The following TRIO variants were observed in gnomAD, a reference collection of about 807,000 sequenced individuals.
TRIO encodes trio Rho guanine nucleotide exchange factor.
A neutral mutation model predicts 351.9 loss-of-function variants in TRIO; 58 were observed. The ratio of observed to expected loss-of-function variants is 0.16; its 90% CI spans 0.13 to 0.21. TRIO has a LOEUF of 0.21. Among genes scored for constraint, TRIO ranks in the 10% least tolerant of loss-of-function variants. The pLI, the probability that TRIO is intolerant of heterozygous loss-of-function variation, is 1.00. For synonymous variants in TRIO, 1,758 were observed against 1,595.7 expected, an observed-to-expected ratio of 1.10 and a Z score of -2.42; for missense variants, 3,201 against 4,027.8, an observed-to-expected ratio of 0.79 and a Z score of 5.56.
At chr5:14,318,784 A>T (rs1012569153) in intron 9 of TRIO, among the ~76,000 whole-genome samples, 2 of 152,204 alleles carry the variant, frequency 1.3e-5, no homozygotes, top group Admixed American at 1.3e-4. Flanking sequence ...TTGGAGTTTA[A>T]ATCTAATTGT....
At chr5:14,292,189 A>C (rs1021779005) in intron 5 of TRIO, among the ~76,000 whole-genome samples, 1 of 152,270 alleles carries the variant, frequency 6.6e-6, no homozygotes, top group African/African-American at 2.4e-5. Flanking sequence ...TGGATGTAAA[A>C]GGACTTTTCA....
intron 1 of TRIO, among the ~76,000 whole-genome samples, chr5:14,158,870 T>C (rs1035019945): frequency 3.9e-5 from 6 of 152,180 alleles, no homozygotes; most frequent in Admixed American, 6.5e-5. Context: ...CAAAAAGTCA[T>C]GGCTAAATGT....
intron 34 of TRIO, among the ~76,000 whole-genome samples, chr5:14,447,293 G>GT (rs996920471): frequency 7.2e-5 from 11 of 152,110 alleles, no homozygotes; most frequent in African/African-American, 9.7e-5. Flanking sequence ...CCAAAGCCAC[G>GT]TTTTTTCCCC....
chr5:14,497,754 A>G lies in TRIO; in HGVS notation c.8020-93A>G. 6.4e-7 allele frequency: 1 copy of G among 1,551,366 alleles called. No homozygotes were observed. Among genetic ancestry groups the G allele is most frequent in the East Asian group, 2.2e-5 (1 of 44,552 alleles). ...ATGCCCAGGCAAGTCAGTTTCTGCA[A>G]ATCTTTCAACAATAATTGTAGCCCT... On this transcript the variant is annotated intron_variant, in intron 50 of 56. Transcript: ENST00000344204. The surrounding 1 kb of genome is among the most constrained non-coding windows in gnomAD (Gnocchi z 4.4).
chr5:14,314,423 G>A (rs1408798306), intron 8 of TRIO, among the ~76,000 whole-genome samples: 2 of 152,162 alleles, frequency 1.3e-5, no homozygotes, highest in African/African-American at 4.8e-5. Flanking sequence ...AACTACAACT[G>A]TAGCCTGGTC....
Position 14,294,020 on chromosome 5 carries a change from AAAT to A in TRIO, c.1176+893_1176+895del, listed in dbSNP as rs1383859574. 5.0e-3 allele frequency among the ~76,000 whole-genome samples: 360 copies of A among 71,992 alleles called. 1 individual carries two copies. The highest frequency in any genetic ancestry group is 9.4e-3 in the East Asian group (33 of 3,512). The allele number at this position is 71,992 out of a possible 152,430, so 47.2% of individuals were successfully genotyped here. On this transcript the variant is annotated intron_variant, in intron 6 of 56. Transcript: ENST00000344204. ...GCAAGACCCCATCTCTAAAAAAAAA[AAAT>A]AATAATTAAAAAATTAGCCAAGTGT...
intron 1 of TRIO, among the ~76,000 whole-genome samples, chr5:14,251,367 C>T (rs937946052): frequency 2.6e-5 from 4 of 152,208 alleles, no homozygotes; most frequent in Non-Finnish European, 4.4e-5. Flanking sequence ...ACGGGCAGCA[C>T]GTAACCTGAC....
chr5:14,339,222 G>A (rs1347743012), intron 11 of TRIO, among the ~76,000 whole-genome samples: 2 of 152,136 alleles, frequency 1.3e-5, no homozygotes, highest in Admixed American at 1.3e-4. Flanking sequence ...GGGCAACAGA[G>A]CAAGACCCTG....
At chr5:14,411,316 A>G (rs937681268) in intron 33 of TRIO, among the ~76,000 whole-genome samples, 3 of 152,214 alleles carry the variant, frequency 2.0e-5, no homozygotes, top group African/African-American at 7.2e-5. Flanking sequence ...ACTAAAATCC[A>G]TATTACAAAG....
intron 1 of TRIO, among the ~76,000 whole-genome samples, chr5:14,220,893 TCCTAAGATCAGATTTTC>T (rs1164039501): frequency 6.6e-6 from 1 of 152,186 alleles, no homozygotes; most frequent in Non-Finnish European, 1.5e-5. Context: ...CAGAAGACCT[TCCTAAGATCAGATTTTC>T]AGTGTAGGCA....
chr5:14,203,424 A>G (rs1477418181), intron 1 of TRIO, among the ~76,000 whole-genome samples: 1 of 152,208 alleles, frequency 6.6e-6, no homozygotes, highest in African/African-American at 2.4e-5. Flanking sequence ...TCATTCTCAC[A>G]GTATTTTTAG....
chr5:14,369,993 A>G (rs1744939111), intron 18 of TRIO, among the ~76,000 whole-genome samples: 1 of 152,338 alleles, frequency 6.6e-6, no homozygotes, highest in African/African-American at 2.4e-5. Flanking sequence ...GCAGTTGCTG[A>G]TACCTACTCA....
intron 44 of TRIO, 64 bp from the exon 45 acceptor site, chr5:14,481,477 G>A: frequency 1.3e-6 from 2 of 1,581,360 alleles, no homozygotes; most frequent in South Asian, 1.1e-5. Context: ...AGGTCAGAGG[G>A]TGAGCACGTC....
Position 14,481,615 on chromosome 5 carries a change from C to T in TRIO, c.6462C>T (p.Phe2154=), listed in dbSNP as rs1561540302. The part of the protein sequence containing the change: ...DMMNVGRLQG[F]DGKIVAQGKL... Reference sequence around the variant, plus strand: ...TGAACGTGGGGCGGCTGCAAGGATTCGACGTAATGCGGCTCTTGTTTTTTA... The same window carrying T: ...TGAACGTGGGGCGGCTGCAAGGATTTGACGTAATGCGGCTCTTGTTTTTTA... Residue 2154 remains phenylalanine, a synonymous_variant, in exon 45 of 57, where the codon TTC becomes TTT. Transcript: ENST00000344204. 3.7e-6 allele frequency: 6 copies of T among 1,614,044 alleles called. No homozygotes were observed. The highest frequency in any genetic ancestry group is 1.1e-5 in the South Asian group (1 of 91,066).
At chr5:14,417,956 A>C (rs1282885437) in intron 33 of TRIO, among the ~76,000 whole-genome samples, 2 of 152,114 alleles carry the variant, frequency 1.3e-5, no homozygotes, top group Admixed American at 1.3e-4. Context: ...TGGGGGACTC[A>C]GGGTGACTGT....
intron 1 of TRIO, among the ~76,000 whole-genome samples, chr5:14,175,841 C>T (rs1789372977): frequency 6.6e-6 from 1 of 152,176 alleles, no homozygotes; most frequent in South Asian, 2.1e-4. Flanking sequence ...TGCTAATGTC[C>T]TGGGTTGGGG....
chr5:14,448,592 G>A (rs544843833), intron 34 of TRIO, among the ~76,000 whole-genome samples: 7 of 152,318 alleles, frequency 4.6e-5, no homozygotes, highest in South Asian at 2.1e-4. Context: ...CTTTCCCCAC[G>A]AGGGCTGATG....
chr5:14,206,178 A>G (rs1328581488), intron 1 of TRIO, among the ~76,000 whole-genome samples: 1 of 152,172 alleles, frequency 6.6e-6, no homozygotes, highest in Non-Finnish European at 1.5e-5. Flanking sequence ...CTTCCACCTC[A>G]GCCTCCTGTG....
At chr5:14,487,402 C>G (rs1437254335) in intron 47 of TRIO, 62 bp from the exon 48 acceptor site, 1 of 1,089,138 alleles carries the variant, frequency 9.2e-7, no homozygotes, top group African/African-American at 1.7e-5. Flanking sequence ...CTGTTCCTCC[C>G]TCACCCCGCG....
Sources: gnomAD v4.1 joint callset for allele counts (sites outside exome capture counted in the v4.1 genomes callset) on GRCh38, gnomAD v4.1.1 for gene constraint, Gnocchi (gnomAD v3.1) non-coding constraint, MANE v1.5 for transcripts, NCBI Gene and HGNC (gene_info 2026-07-23, HGNC 2026-07-21) for gene names.